The following FAM120B variants were observed in gnomAD, a reference collection of about 807,000 sequenced individuals.
FAM120B encodes constitutive coactivator of peroxisome proliferator-activated receptor gamma.
In FAM120B, 83 loss-of-function variants were observed where a neutral mutation model predicts 96.3. That is an observed-to-expected ratio of 0.86 (90% confidence interval 0.72 to 1.03). The LOEUF (loss-of-function observed/expected upper bound fraction) is 1.03, where lower values mean the gene tolerates loss of function less well. Ranked by LOEUF, FAM120B falls within the 50% of genes least tolerant of loss-of-function variation. The probability of loss-of-function intolerance (pLI) is 0.00; values close to 1 mark genes in which losing one functional copy is unlikely to be tolerated. For missense variants in FAM120B, 1,027 were observed against 1,121.2 expected (o/e 0.92, Z 1.20); for synonymous variants, 407 against 402.7 (o/e 1.01, Z -0.13).
intron 4 of FAM120B, among the ~76,000 whole-genome samples, chr6:170,333,481 A>G (rs1786201103): frequency 6.6e-6 from 1 of 150,426 alleles, no homozygotes. Context: ...TTATTCAGGG[A>G]GCTTATTTAC....
rs902321159 is a variant in FAM120B, at chr6:170,406,359, G to A, written c.*1608G>A. 4 of 152,132 alleles carry A rather than the reference G, an allele frequency of 2.6e-5. No individual in the cohort carries two copies. The highest frequency in any genetic ancestry group is 5.9e-5 in the Non-Finnish European group (4 of 68,038). The allele number at this position is 152,132 out of a possible 1,614,324, so 9.4% of individuals were successfully genotyped here. A position where few individuals can be genotyped will look rare whatever the true frequency, so the allele number is the denominator to read the frequency against. ...CTAAAGACATTTCCTTCTGGTTGTT[G>A]CTCTTTAAAAACAAAATAAGCCCCT... On this transcript the variant is annotated 3_prime_UTR_variant, in exon 11 of 11. Transcript: ENST00000476287.
chr6:170,313,596 G>T (rs965536781), intron 1 of FAM120B, among the ~76,000 whole-genome samples: 4 of 152,196 alleles, frequency 2.6e-5, no homozygotes, highest in African/African-American at 9.6e-5. Context: ...GATGTTATAT[G>T]CTAGTTTGTA....
intron 9 of FAM120B, among the ~76,000 whole-genome samples, chr6:170,400,360 T>A (rs757183862): frequency 1.3e-5 from 2 of 152,142 alleles, no homozygotes; most frequent in Non-Finnish European, 2.9e-5. Context: ...CCTGCCCTGA[T>A]CTCAGAAGGC....
At chr6:170,349,757 TCA>T (rs766141884) in intron 5 of FAM120B, among the ~76,000 whole-genome samples, 3 of 152,110 alleles carry the variant, frequency 2.0e-5, no homozygotes, top group Non-Finnish European at 4.4e-5. Context: ...TCCGTGGCAC[TCA>T]CAGAGAGGAA....
intron 3 of FAM120B, among the ~76,000 whole-genome samples, chr6:170,327,697 C>T (rs995662192): frequency 2.4e-3 from 326 of 133,306 alleles, no homozygotes; most frequent in African/African-American, 9.1e-3. Context: ...GACCATACAC[C>T]GCTGTAGGCT....
chr6:170,395,966 C>T (rs765868060), intron 9 of FAM120B, among the ~76,000 whole-genome samples: 20 of 152,130 alleles, frequency 1.3e-4, no homozygotes, highest in Non-Finnish European at 2.5e-4. Context: ...TGATATTTTC[C>T]GTGACTTGGA....
intron 9 of FAM120B, among the ~76,000 whole-genome samples, chr6:170,401,983 C>G (rs1778607059): frequency 6.6e-6 from 1 of 152,240 alleles, no homozygotes; most frequent in Admixed American, 6.5e-5. Context: ...TCTCTCTTCC[C>G]CGAACATGCC....
At chr6:170,330,725 A>G in intron 4 of FAM120B, 175 bp downstream of exon 4, 1 of 608,814 alleles carries the variant, frequency 1.6e-6, no homozygotes, top group Non-Finnish European at 2.9e-6. Context: ...AAATAATGGA[A>G]GGATGATGCT....
At chr6:170,341,455 G>A (rs1055396344) in intron 4 of FAM120B, among the ~76,000 whole-genome samples, 9 of 152,232 alleles carry the variant, frequency 5.9e-5, no homozygotes, top group Non-Finnish European at 1.2e-4. Flanking sequence ...GACCCGCTGA[G>A]TGAGACCACT....
chr6:170,397,962 C>T (rs546809322), intron 9 of FAM120B, among the ~76,000 whole-genome samples: 1 of 143,950 alleles, frequency 6.9e-6, no homozygotes, highest in African/African-American at 2.6e-5. Flanking sequence ...AGAAAGGAGA[C>T]CTTCTGCTTA....
rs1024788651 is a variant in FAM120B, at chr6:170,335,613, C to T, written c.2017+5063C>T. Among the ~76,000 whole-genome samples the T allele has an allele frequency of 2.0e-5, 3 of 152,066 alleles. No homozygotes were observed. The East Asian group carries it at 5.8e-4, about 29-fold the overall frequency. ...TCAGATGGTATTTCTGGTTCTAGAC[C>T]CTTGAGGAATTGCTACACTGTCTTC... On this transcript the variant is annotated intron_variant, in intron 4 of 10. Coordinates refer to ENST00000476287, the MANE Select transcript of FAM120B (RefSeq NM_032448.3).
intron 6 of FAM120B, among the ~76,000 whole-genome samples, chr6:170,378,292 C>T (rs950534554): frequency 2.6e-5 from 4 of 152,148 alleles, no homozygotes; most frequent in African/African-American, 7.2e-5. Flanking sequence ...GATTCTTTAA[C>T]CCCGAGCAGT....
intron 4 of FAM120B, among the ~76,000 whole-genome samples, chr6:170,341,157 A>G (rs1314752705): frequency 6.6e-6 from 1 of 152,190 alleles, no homozygotes; most frequent in East Asian, 1.9e-4. Flanking sequence ...AGTTTTATCT[A>G]TAAGCCCCTG....
At chr6:170,372,735 A>G (rs1789274655) in intron 6 of FAM120B, among the ~76,000 whole-genome samples, 1 of 152,206 alleles carries the variant, frequency 6.6e-6, no homozygotes, top group South Asian at 2.1e-4. Context: ...GAGGCTGAGG[A>G]GTAGCTGGAC....
rs896038549 is a variant in FAM120B at position 170,295,517 on chromosome 6, C to A, written c.48+64C>A. 5 of 663,646 alleles carry A rather than the reference C, an allele frequency of 7.5e-6. No individual in the cohort carries two copies. In the Admixed American group the frequency reaches 9.2e-5, roughly 12 times the overall value. The allele number at this position is 663,646 out of a possible 1,614,324, so 41.1% of individuals were successfully genotyped here. On this transcript the variant is annotated intron_variant, in intron 1 of 10. Coordinates refer to the FAM120B transcript ENST00000537664. The surrounding 1 kb of genome is among the most constrained non-coding windows in gnomAD (Gnocchi z 7.8). ...CAGGCAGCCGCGCTTCCACAGCGGG[C>A]AGGAGCGCGACCCCCGGCGCGGGCA...
chr6:170,361,880 A>C (rs546982933), intron 6 of FAM120B, among the ~76,000 whole-genome samples: 1 of 152,024 alleles, frequency 6.6e-6, no homozygotes, highest in African/African-American at 2.4e-5. Flanking sequence ...TGCAACCTCC[A>C]CCTCCTGGGT....
upstream of FAM120B, among the ~76,000 whole-genome samples, chr6:170,291,357 C>T (rs1203169094): frequency 1.3e-5 from 2 of 151,632 alleles, no homozygotes; most frequent in Non-Finnish European, 3.0e-5. Context: ...GGGACGCGGC[C>T]TCCGAAACTC....
intron 6 of FAM120B, among the ~76,000 whole-genome samples, chr6:170,374,014 G>C (rs537303143): frequency 3.5e-4 from 53 of 152,340 alleles, no homozygotes; most frequent in African/African-American, 1.3e-3. Context: ...TGGCATGCCA[G>C]ATCATTCCTC....
upstream of FAM120B, among the ~76,000 whole-genome samples, chr6:170,292,344 G>A (rs1176025126): frequency 6.6e-6 from 1 of 152,112 alleles, no homozygotes; most frequent in African/African-American, 2.4e-5. The surrounding 1 kb of genome is among the most constrained non-coding windows in gnomAD (Gnocchi z 6.6). Flanking sequence ...AGTAAGTTGG[G>A]GCAGAGACTC....
Sources: allele counts gnomAD v4.1 joint callset (sites outside exome capture counted in the v4.1 genomes callset), GRCh38; gene constraint gnomAD v4.1.1; non-coding constraint Gnocchi (gnomAD v3.1); transcripts MANE v1.5; gene names NCBI Gene and HGNC (gene_info 2026-07-23, HGNC 2026-07-21).